The following RAD17 variants were observed in gnomAD, a reference collection of about 807,000 sequenced individuals.
The protein encoded by RAD17 is RAD17 checkpoint clamp loader component.
In RAD17, 31 loss-of-function variants were observed where a neutral mutation model predicts 81.5. The ratio of observed to expected loss-of-function variants is 0.38; its 90% confidence interval spans 0.29 to 0.51. The LOEUF is 0.51. Among genes scored for constraint, RAD17 ranks in the 20% least tolerant of loss-of-function variants. The pLI, the probability that RAD17 is intolerant of heterozygous loss-of-function variation, is 0.88. For synonymous variants in RAD17, 261 were observed against 266.2 expected (o/e 0.98, Z 0.19); for missense variants, 681 against 781.2 (o/e 0.87, Z 1.53).
At chr5:69,410,332 T>C (rs1490280615) in intron 17 of RAD17, among the ~76,000 whole-genome samples, 161 bp from the exon 18 acceptor site, 1 of 152,236 alleles carries the variant, frequency 6.6e-6, no homozygotes, top group Non-Finnish European at 1.5e-5. Flanking sequence ...TTCTGGTTTT[T>C]TGTAACAGTC....
Position 69,400,120 on chromosome 5 carries a change from T to G in RAD17, c.1644T>G (p.Thr548=). The G allele has an allele frequency of 6.2e-7, 1 of 1,602,578 alleles. No individual in the cohort carries two copies. The highest frequency in any genetic ancestry group is 8.5e-7 in the Non-Finnish European group (1 of 1,174,884). Residue 548 remains threonine (T), a synonymous_variant, in exon 17 of 19, where the codon ACT becomes ACG. Coordinates refer to ENST00000354868, the MANE Select transcript of RAD17 (RefSeq NM_133338.3). ...GCCTACCAGCTTTATGCCTCCAAAC[T>G]CAGCTATTGCCATACCTTGCTCTAC... ...DFCLPALCLQ[T]QLLPYLALLT...
intron 1 of RAD17, 68 bp downstream of exon 1, chr5:69,370,001 A>C: frequency 2.4e-6 from 1 of 416,764 alleles, no homozygotes. Flanking sequence ...CTCTGCCTTC[A>C]AGCTTTCCTG....
intron 17 of RAD17, among the ~76,000 whole-genome samples, chr5:69,407,696 C>T (rs867200204): frequency 2.0e-5 from 3 of 151,346 alleles, no homozygotes; most frequent in Admixed American, 6.6e-5. Flanking sequence ...CCTGCCTCAA[C>T]CCCCTGAGTA....
chr5:69,412,984 CAAAA>C (rs58817125), intron 18 of RAD17, among the ~76,000 whole-genome samples: 2 of 145,092 alleles, frequency 1.4e-5, no homozygotes, highest in Non-Finnish European at 3.0e-5. Flanking sequence ...AAGACTGTCT[CAAAA>C]AAAAAAAAAG....
chr5:69,381,902 G>A lies in RAD17; in HGVS notation c.353G>A (p.Gly118Asp), dbSNP rs1339466824. 6.3e-7 allele frequency: 1 copy of A among 1,581,000 alleles called. No individual in the cohort carries two copies. Among genetic ancestry groups the A allele is most frequent in the Non-Finnish European group, 8.6e-7 (1 of 1,164,918 alleles). Residue 118 changes from glycine (G) to aspartate (D), a missense_variant and splice_region_variant, in exon 7 of 19, where the codon GGT becomes GAT. Gly to Asp is a moderately conservative substitution (Grantham distance 94). Coordinates refer to ENST00000354868, the MANE Select transcript of RAD17 (RefSeq NM_133338.3). ...AQVLERQPKQ[G>D]GSILLITGPP... Reference sequence around the variant, plus strand: ...ATTCATATTTGTATTTGATTTTAGGGTGGATCTATTTTATTAATAACAGGT... The same window carrying A: ...ATTCATATTTGTATTTGATTTTAGGATGGATCTATTTTATTAATAACAGGT...
chr5:69,386,325 T>C lies in RAD17; in HGVS notation c.824+20T>C. 1 of 1,588,738 alleles carries C rather than the reference T, an allele frequency of 6.3e-7. No individual in the cohort carries two copies. The highest frequency in any genetic ancestry group is 1.2e-5 in the South Asian group (1 of 85,604). ...TATTAGGTAAGAAAGAAATTTCTGCTTATAAAGGTCACATACATATTATAT... is the reference window on the plus strand; with the variant it reads ...TATTAGGTAAGAAAGAAATTTCTGCCTATAAAGGTCACATACATATTATAT... On this transcript the variant is annotated intron_variant, in intron 10 of 18. Coordinates refer to ENST00000354868, the MANE Select transcript of RAD17 (RefSeq NM_133338.3).
At chr5:69,405,479 C>T (rs1171169505) in intron 17 of RAD17, among the ~76,000 whole-genome samples, 2 of 150,960 alleles carry the variant, frequency 1.3e-5, no homozygotes, top group Non-Finnish European at 2.9e-5. Context: ...CTAGCCTGAC[C>T]AACATGATGA....
In RAD17 at chr5:69,393,594, T is replaced by C. The variant is rs2150836967; in HGVS notation, c.1422+94T>C. ...TTTTATCCCTAATTGCCTGACATTA[T>C]TTTATGTGACTTTTCTTCATAACTA... is the stretch of plus-strand genomic sequence containing the variant. On this transcript the variant is annotated intron_variant, in intron 15 of 18. Transcript: ENST00000354868. 5.1e-6 allele frequency: 6 copies of C among 1,174,864 alleles called. No individual in the cohort carries two copies. In the East Asian group the frequency reaches 1.5e-4, roughly 30 times the overall value. The allele number at this position is 1,174,864 out of a possible 1,614,324, so 72.8% of individuals were successfully genotyped here.
intron 18 of RAD17, among the ~76,000 whole-genome samples, chr5:69,410,968 T>TATATATAC (rs1554044693): frequency 7.2e-6 from 1 of 137,964 alleles, no homozygotes; most frequent in African/African-American, 2.7e-5. Flanking sequence ...TGTCTGTCTA[T>TATATATAC]ATATATATAT....
At chr5:69,380,428 G>A (rs1320688078) in intron 6 of RAD17, among the ~76,000 whole-genome samples, 2 of 152,096 alleles carry the variant, frequency 1.3e-5, no homozygotes, top group East Asian at 1.9e-4. Flanking sequence ...TGAGACTACT[G>A]TTTATATGTG....
intron 6 of RAD17, among the ~76,000 whole-genome samples, chr5:69,377,119 G>A (rs1226068030): frequency 6.6e-6 from 1 of 152,024 alleles, no homozygotes; most frequent in Non-Finnish European, 1.5e-5. Context: ...TTGGTTTAGG[G>A]CTAAGATCAT....
Position 69,389,060 on chromosome 5 carries a change from C to CA in RAD17, c.925dup (p.Thr309AsnfsTer13). 1 of 1,518,624 alleles carries CA rather than the reference C, an allele frequency of 6.6e-7. No individual in the cohort carries two copies. Among genetic ancestry groups the CA allele is most frequent in the South Asian group, 1.4e-5 (1 of 73,816 alleles). 94.1% of individuals were successfully genotyped at this position (1,518,624 alleles called of 1,614,324 possible). ...ATGGAGGAAAAATTACTGTCCCTGACAAAACTTCTCTAGAGTTGCTCTGTC... is the reference window on the plus strand; with the variant it reads ...ATGGAGGAAAAATTACTGTCCCTGACAAAAACTTCTCTAGAGTTGCTCTGTC... On this transcript the variant is annotated frameshift_variant, in exon 12 of 19. Transcript: ENST00000354868. LOFTEE classifies it high-confidence loss of function.
chr5:69,384,748 A>C (rs1338192082), intron 7 of RAD17, 49 bp from the exon 8 acceptor site: 66 of 1,518,272 alleles, frequency 4.3e-5, no homozygotes, highest in Non-Finnish European at 5.9e-5. Context: ...GTATAATATT[A>C]ATGTATATCA....
intron 11 of RAD17, among the ~76,000 whole-genome samples, chr5:69,387,701 A>G (rs1241518846): frequency 1.3e-5 from 2 of 152,130 alleles, no homozygotes; most frequent in Non-Finnish European, 2.9e-5. Flanking sequence ...TAATAAAAAT[A>G]CAAAAATTAG....
chr5:69,411,628 G>A (rs1314355649), intron 18 of RAD17, among the ~76,000 whole-genome samples: 1 of 152,026 alleles, frequency 6.6e-6, no homozygotes, highest in South Asian at 2.1e-4. Flanking sequence ...GCTATGTGGG[G>A]CCCATCTTTC....
In RAD17 at chr5:69,410,502, C is replaced by A. The variant is rs1304765901; in HGVS notation, c.1703C>A (p.Ser568Tyr). The A allele has an allele frequency of 6.2e-7, 1 of 1,612,248 alleles. No homozygotes were observed. Among genetic ancestry groups the A allele is most frequent in the Admixed American group, 1.7e-5 (1 of 59,848 alleles). ...AAAAAATCTGTTTCAGCTCAGATTT[C>A]TTTTATCCAAGATATTGGAAGGCTC... ...TIPMRNQAQI[S>Y]FIQDIGRLPL... The change falls in exon 18 of 19, where the codon TCT becomes TAT. Residue 568 changes from serine to tyrosine, a missense_variant. Coordinates refer to ENST00000354868, the MANE Select transcript of RAD17 (RefSeq NM_133338.3).
intron 15 of RAD17, among the ~76,000 whole-genome samples, chr5:69,394,780 GC>G (rs1764781492): frequency 6.6e-6 from 1 of 152,140 alleles, no homozygotes; most frequent in African/African-American, 2.4e-5. Flanking sequence ...TTAAAATAAG[GC>G]CGGGCTCAGT....
Position 69,400,178 on chromosome 5 carries a change from A to T in RAD17, c.1693+9A>T, listed in dbSNP as rs745420123. 4 of 1,486,508 alleles carry T rather than the reference A, an allele frequency of 2.7e-6. No homozygotes were observed. In the African/African-American group the frequency reaches 5.7e-5, roughly 21 times the overall value. 92.1% of individuals were successfully genotyped at this position (1,486,508 alleles called of 1,614,324 possible). ...TCCAATGAGAAATCAAGGTAATAAC[A>T]TAGGTTTTTCTTTTCTTTTAAGAAG... On this transcript the variant is annotated intron_variant, in intron 17 of 18. Coordinates refer to ENST00000354868, the MANE Select transcript of RAD17 (RefSeq NM_133338.3).
chr5:69,406,487 TTG>T (rs148746496), intron 17 of RAD17, among the ~76,000 whole-genome samples: 1 of 151,612 alleles, frequency 6.6e-6, no homozygotes, highest in Non-Finnish European at 1.5e-5. Flanking sequence ...TAATAGTATT[TTG>T]TGTGTGTGTG....
Sources: allele counts gnomAD v4.1 joint callset (sites outside exome capture counted in the v4.1 genomes callset), GRCh38; gene constraint gnomAD v4.1.1; transcripts MANE v1.5; gene names NCBI Gene and HGNC (gene_info 2026-07-23, HGNC 2026-07-21).